NAA35: variants seen among roughly 807,000 people sequenced by gnomAD.
The protein encoded by NAA35 is N-alpha-acetyltransferase 35, NatC auxiliary subunit, also known as MAK10 homolog, amino-acid N-acetyltransferase subunit.
A neutral mutation model predicts 101.7 loss-of-function variants in NAA35; 18 were observed. That is an observed-to-expected ratio of 0.18 (90% CI 0.12 to 0.26). NAA35 has a LOEUF of 0.26. NAA35 is among the 10% of genes least tolerant of loss of function. NAA35 has a pLI of 1.00. For missense variants in NAA35, 601 were observed against 886.8 expected, an observed-to-expected ratio of 0.68 and a Z score of 4.09; for synonymous variants, 267 against 273.1, an observed-to-expected ratio of 0.98 and a Z score of 0.22.
rs1403285969 is a variant in NAA35, at chr9:85,955,351, TATATATA to T, written c.125-1008_125-1002del. 5.7e-3 allele frequency among the ~76,000 whole-genome samples: 461 copies of T among 81,336 alleles called. 3 individuals carry two copies. The highest frequency in any genetic ancestry group is 7.7e-3 in the African/African-American group (112 of 14,606). The allele number at this position is 81,336 out of a possible 152,430, so 53.4% of individuals were successfully genotyped here. ...ACATATATATATATATATATATATA[TATATATA>T]TATTTTTTTTTTTTTTTTTCTTCAG... On this transcript the variant is annotated intron_variant, in intron 2 of 22. Coordinates refer to ENST00000361671, the MANE Select transcript of NAA35 (RefSeq NM_024635.4).
intron 2 of NAA35, among the ~76,000 whole-genome samples, chr9:85,945,596 G>T (rs1227226603): frequency 6.6e-6 from 1 of 151,656 alleles, no homozygotes; most frequent in East Asian, 1.9e-4. Context: ...TGCTGTCTCG[G>T]CTCACTCGAC....
rs1830252323 is a variant in NAA35, at chr9:85,977,257, TGTA to T, written c.679-102_679-100del. The T allele has an allele frequency of 3.8e-6, 3 of 785,504 alleles. No homozygotes were observed. The South Asian group carries it at 4.4e-5, about 11-fold the overall frequency. 48.7% of individuals were successfully genotyped at this position (785,504 alleles called of 1,614,324 possible). A position where few individuals can be genotyped will look rare whatever the true frequency, so the allele number is the denominator to read the frequency against. ...AGCCTGTAAGTGAAGGTGCCTGTAA[TGTA>T]GTAAGTTATTAACATTGAGATTTAG... On this transcript the variant is annotated intron_variant, in intron 9 of 22. Transcript: ENST00000361671.
Position 85,942,334 on chromosome 9 carries a change from A to G in NAA35, c.124+51A>G, listed in dbSNP as rs745670050. ...TTCAGCATCTGGAAGGGGTAGAATG[A>G]CGATTGTGCTTTCTAAACTTACCTC... On this transcript the variant is annotated intron_variant, in intron 2 of 22. Coordinates refer to ENST00000361671, the MANE Select transcript of NAA35 (RefSeq NM_024635.4). 1.9e-6 allele frequency: 3 copies of G among 1,592,104 alleles called. No homozygotes were observed. The South Asian group carries it at 3.4e-5, about 18-fold the overall frequency.
chr9:85,979,700 T>C (rs911758201), intron 11 of NAA35, among the ~76,000 whole-genome samples: 1 of 152,218 alleles, frequency 6.6e-6, no homozygotes, highest in Non-Finnish European at 1.5e-5. Context: ...CTCCCTGTTT[T>C]GGAAAAGATT....
chr9:85,941,360 G>T lies in NAA35; in HGVS notation c.-6+87G>T, dbSNP rs1828503154. On this transcript the variant is annotated intron_variant, in intron 1 of 22. Coordinates refer to ENST00000361671, the MANE Select transcript of NAA35 (RefSeq NM_024635.4). ...CCCCCGCGCGTGTGGCAGATCCTGGGGACCCCAGGTCACCCTGCGGCCCCG... is the reference window on the plus strand; with the variant it reads ...CCCCCGCGCGTGTGGCAGATCCTGGTGACCCCAGGTCACCCTGCGGCCCCG... The T allele has an allele frequency of 1.2e-5, 12 of 985,450 alleles. No individual in the cohort carries two copies. The African/African-American group carries it at 1.4e-4, about 11-fold the overall frequency. 61.0% of individuals were successfully genotyped at this position (985,450 alleles called of 1,614,324 possible).
chr9:85,947,409 A>G (rs910124675), intron 2 of NAA35, among the ~76,000 whole-genome samples: 2 of 152,206 alleles, frequency 1.3e-5, no homozygotes, highest in Non-Finnish European at 2.9e-5. Flanking sequence ...CTTGATTCTA[A>G]GAGGAAAAGG....
rs112700928 is a variant in NAA35, at chr9:86,013,694, A to G, written c.1390-25A>G. On this transcript the variant is annotated intron_variant, in intron 16 of 22. Coordinates refer to ENST00000361671, the MANE Select transcript of NAA35 (RefSeq NM_024635.4). ...TACCTTAAGAAAACAAAACGAACAC[A>G]GTTTATGACATTTTATTTTAATAGG... is the stretch of plus-strand genomic sequence containing the variant. 1.1e-4 allele frequency: 179 copies of G among 1,587,798 alleles called. No homozygotes were observed. In the African/African-American group the frequency reaches 1.9e-3, roughly 17 times the overall value.
intron 10 of NAA35, 116 bp from the exon 11 acceptor site, chr9:85,978,151 A>G: frequency 1.5e-6 from 1 of 676,512 alleles, no homozygotes; most frequent in South Asian, 1.8e-5. Flanking sequence ...GTTTATGAAA[A>G]CCAATGTCAT....
intron 11 of NAA35, among the ~76,000 whole-genome samples, chr9:85,981,213 C>T (rs1321919911): frequency 2.6e-5 from 4 of 152,028 alleles, no homozygotes; most frequent in African/African-American, 4.8e-5. Context: ...TACCATAGGA[C>T]ATAAGGAGGT....
chr9:86,018,325 G>A lies in NAA35; in HGVS notation c.1844G>A (p.Arg615Gln), dbSNP rs1587671959. 21 of 1,613,926 alleles carry A rather than the reference G, an allele frequency of 1.3e-5. No individual in the cohort carries two copies. Among genetic ancestry groups the A allele is most frequent in the Middle Eastern group, 1.6e-4 (1 of 6,062 alleles). Residue 615 changes from arginine to glutamine, a missense_variant, in exon 20 of 23, where the codon CGG becomes CAG. Coordinates refer to ENST00000361671, the MANE Select transcript of NAA35 (RefSeq NM_024635.4). ...PKFELDSEQV[R>Q]YEHRFAPFNS... is the part of the protein sequence containing the mutation. ...TTTGAGCTTGATAGTGAACAAGTTCGGTATGAACACAGGTTTGCTCCATTC... is the reference window on the plus strand; with the variant it reads ...TTTGAGCTTGATAGTGAACAAGTTCAGTATGAACACAGGTTTGCTCCATTC...
At position 85,959,940 on chromosome 9, in the gene NAA35, A is replaced by G. The variant is rs550396242; in HGVS notation, c.348+73A>G. 1.1e-4 allele frequency: 118 copies of G among 1,106,944 alleles called. No individual in the cohort carries two copies. In the African/African-American group the frequency reaches 1.6e-3, roughly 15 times the overall value. The allele number at this position is 1,106,944 out of a possible 1,614,324, so 68.6% of individuals were successfully genotyped here. Reference sequence around the variant, plus strand: ...CCTGAATCTTGTGATTTAAAAGCCTATACACTAATGTTGAGTATGAAATAA... The same window carrying G: ...CCTGAATCTTGTGATTTAAAAGCCTGTACACTAATGTTGAGTATGAAATAA... On this transcript the variant is annotated intron_variant, in intron 5 of 22. Transcript: ENST00000361671.
intron 2 of NAA35, among the ~76,000 whole-genome samples, chr9:85,946,753 G>A (rs1487156539): frequency 6.6e-6 from 1 of 151,242 alleles, no homozygotes; most frequent in African/African-American, 2.4e-5. Flanking sequence ...TATTCTTTCA[G>A]TGTGGCTCAG....
At chr9:85,965,570 A>G (rs1259068494) in intron 6 of NAA35, among the ~76,000 whole-genome samples, 1 of 152,096 alleles carries the variant, frequency 6.6e-6, no homozygotes, top group African/African-American at 2.4e-5. Flanking sequence ...TCAAGGCTGC[A>G]GTGAGCTGTG....
chr9:85,954,902 A>ATGTTTTGT (rs1829171512), intron 2 of NAA35, among the ~76,000 whole-genome samples: 1 of 152,032 alleles, frequency 6.6e-6, no homozygotes, highest in African/African-American at 2.4e-5. Context: ...GTGTTCTGCT[A>ATGTTTTGT]TGTTTTGTTG....
At chr9:85,976,113 C>T (rs1830200418) in intron 8 of NAA35, among the ~76,000 whole-genome samples, 1 of 152,146 alleles carries the variant, frequency 6.6e-6, no homozygotes, top group African/African-American at 2.4e-5. Context: ...GTTAAATAAC[C>T]TGTGTCTTAG....
chr9:86,000,641 C>A (rs1166868226), intron 12 of NAA35, among the ~76,000 whole-genome samples: 21 of 151,828 alleles, frequency 1.4e-4, no homozygotes, highest in Admixed American at 1.4e-3. Context: ...GTGTATGTGT[C>A]CAGGAATTTA....
At position 85,971,836 on chromosome 9, in the gene NAA35, A is replaced by ATT. The variant is rs372692955; in HGVS notation, c.517-3116_517-3115dup. The stretch of plus-strand genomic sequence containing the variant: ...AGCTCTACCTTTGAAATATATCCTG[A>ATT]TTTTTTTTTTTTTTTTAACCAACTT... On this transcript the variant is annotated intron_variant, in intron 6 of 22. Transcript: ENST00000361671. Among the ~76,000 whole-genome samples the ATT allele has an allele frequency of 9.2e-3, 1,323 of 143,684 alleles. 20 individuals are homozygous for ATT. Among genetic ancestry groups the ATT allele is most frequent in the African/African-American group, 0.03 (1,185 of 39,214 alleles). The allele number at this position is 143,684 out of a possible 152,430, so 94.3% of individuals were successfully genotyped here.
chr9:85,983,052 A>T (rs1830497237), intron 11 of NAA35, among the ~76,000 whole-genome samples: 1 of 152,242 alleles, frequency 6.6e-6, no homozygotes, highest in Non-Finnish European at 1.5e-5. Flanking sequence ...TAATCTGTTC[A>T]GAAGCAGAAA....
intron 17 of NAA35, chr9:86,015,535 C>G: frequency 5.7e-6 from 1 of 175,362 alleles, no homozygotes; most frequent in Non-Finnish European, 1.1e-5. Context: ...GGCTAAGTTC[C>G]TAGAATTCCT....
Sources: allele counts gnomAD v4.1 joint callset (sites outside exome capture counted in the v4.1 genomes callset), GRCh38; gene constraint gnomAD v4.1.1; transcripts MANE v1.5; gene names NCBI Gene and HGNC (gene_info 2026-07-23, HGNC 2026-07-21).